The following LHFPL3 variants were observed in gnomAD, a reference collection of about 807,000 sequenced individuals.
LHFPL3 encodes LHFPL tetraspan subfamily member 3 protein.
Under a neutral mutation model 19.3 loss-of-function variants are expected in LHFPL3, and 5 were observed. That is an observed-to-expected ratio of 0.26 (90% CI 0.14 to 0.54). LHFPL3 has a LOEUF of 0.54. LHFPL3 is among the 20% of genes least tolerant of loss of function. LHFPL3 has a pLI of 0.94. For synonymous variants in LHFPL3, 133 were observed against 126.2 expected (o/e 1.05, Z -0.36); for missense variants, 249 against 307.4 (o/e 0.81, Z 1.42).
Position 104,854,358 on chromosome 7 carries a change from C to T in LHFPL3, c.683-51829C>T, listed in dbSNP as rs149469503. 1.6e-3 allele frequency among the ~76,000 whole-genome samples: 246 copies of T among 152,318 alleles called. 2 individuals are homozygous for T. Among genetic ancestry groups the T allele is most frequent in the African/African-American group, 5.7e-3 (236 of 41,560 alleles). On this transcript the variant is annotated intron_variant, in intron 2 of 2. Coordinates refer to ENST00000424859, the MANE Select transcript of LHFPL3 (RefSeq NM_199000.3). Reference sequence around the variant, plus strand: ...TTTACTCAATACAGAAGTTCACCCTCATGAATGGAGATTTCCTTTCTGGAT... The same window carrying T: ...TTTACTCAATACAGAAGTTCACCCTTATGAATGGAGATTTCCTTTCTGGAT...
At chr7:104,443,709 C>A (rs1792271015) in intron 1 of LHFPL3, among the ~76,000 whole-genome samples, 1 of 152,258 alleles carries the variant, frequency 6.6e-6, no homozygotes, top group Admixed American at 6.5e-5. Flanking sequence ...GCTTCCATTT[C>A]ATATCAGGTT....
At chr7:104,560,490 G>C in intron 1 of LHFPL3, among the ~76,000 whole-genome samples, 1 of 147,892 alleles carries the variant, frequency 6.8e-6, no homozygotes, top group Non-Finnish European at 1.5e-5. Flanking sequence ...AGTATTCCCT[G>C]ATGGTAGTTT....
chr7:104,579,846 C>G (rs549329447), intron 1 of LHFPL3, among the ~76,000 whole-genome samples: 2 of 152,202 alleles, frequency 1.3e-5, no homozygotes, highest in South Asian at 4.1e-4. Context: ...CAGTTTCTGC[C>G]CTCTTGGAGC....
At chr7:104,848,815 T>C (rs1791361283) in intron 2 of LHFPL3, among the ~76,000 whole-genome samples, 1 of 152,128 alleles carries the variant, frequency 6.6e-6, no homozygotes, top group Admixed American at 6.5e-5. Flanking sequence ...GGAGGCCTGG[T>C]GGCATATCAG....
At chr7:104,599,186 A>C (rs573417651) in intron 1 of LHFPL3, among the ~76,000 whole-genome samples, 1 of 152,344 alleles carries the variant, frequency 6.6e-6, no homozygotes, top group South Asian at 2.1e-4. Flanking sequence ...GTTTGAAATT[A>C]GTGGCCTAAT....
intron 1 of LHFPL3, among the ~76,000 whole-genome samples, chr7:104,642,737 A>G (rs892023917): frequency 3.9e-5 from 6 of 152,166 alleles, no homozygotes; most frequent in African/African-American, 1.4e-4. Flanking sequence ...GTGCGACAGG[A>G]GAAGGCTGGA....
At chr7:104,730,843 C>T (rs566119158) in intron 1 of LHFPL3, among the ~76,000 whole-genome samples, 197 of 152,146 alleles carry the variant, frequency 1.3e-3, no homozygotes, top group African/African-American at 4.4e-3. Flanking sequence ...TGAATTGTAT[C>T]GCCTAGGTTT....
chr7:104,354,726 C>T (rs1790241678), intron 1 of LHFPL3, among the ~76,000 whole-genome samples: 1 of 152,124 alleles, frequency 6.6e-6, no homozygotes, highest in Admixed American at 6.5e-5. Flanking sequence ...AGGACCCTGA[C>T]CATCTCTCTA....
At chr7:104,602,622 G>A (rs972671197) in intron 1 of LHFPL3, among the ~76,000 whole-genome samples, 1 of 152,186 alleles carries the variant, frequency 6.6e-6, no homozygotes, top group Non-Finnish European at 1.5e-5. Flanking sequence ...AGAATCAATA[G>A]CATCTTCAGC....
intron 1 of LHFPL3, among the ~76,000 whole-genome samples, chr7:104,561,039 C>A (rs1789985612): frequency 6.6e-6 from 1 of 151,746 alleles, no homozygotes; most frequent in African/African-American, 2.4e-5. Flanking sequence ...GCACTGTGGT[C>A]TGAGAGATAG....
intron 2 of LHFPL3, 43 bp downstream of exon 2, chr7:104,736,954 C>T (rs1562977328): frequency 2.1e-6 from 3 of 1,453,494 alleles, no homozygotes; most frequent in East Asian, 2.5e-5. Context: ...GCCTCAAGCA[C>T]AAAAAAATGG....
chr7:104,353,380 T>C (rs1295334294), intron 1 of LHFPL3, among the ~76,000 whole-genome samples: 4 of 152,152 alleles, frequency 2.6e-5, no homozygotes, highest in Admixed American at 2.0e-4. Flanking sequence ...GGACCACAGT[T>C]TTCTCAAAAT....
At chr7:104,436,042 A>G (rs1792097688) in intron 1 of LHFPL3, among the ~76,000 whole-genome samples, 1 of 152,148 alleles carries the variant, frequency 6.6e-6, no homozygotes, top group Non-Finnish European at 1.5e-5. Flanking sequence ...ATTAGAAATA[A>G]TAGCTATTCA....
At chr7:104,679,926 C>G (rs941334768) in intron 1 of LHFPL3, among the ~76,000 whole-genome samples, 6 of 152,212 alleles carry the variant, frequency 3.9e-5, no homozygotes, top group African/African-American at 1.4e-4. Context: ...TGCCCCTCTG[C>G]TTTTCCCTAA....
chr7:104,884,146 A>C (rs1792103705), intron 2 of LHFPL3, among the ~76,000 whole-genome samples: 1 of 152,208 alleles, frequency 6.6e-6, no homozygotes, highest in Admixed American at 6.5e-5. Context: ...ATGCGTGATA[A>C]GTGCCCAAGT....
chr7:104,483,397 T>G (rs1007822717), intron 1 of LHFPL3, among the ~76,000 whole-genome samples: 4 of 152,232 alleles, frequency 2.6e-5, no homozygotes, highest in Non-Finnish European at 5.9e-5. Flanking sequence ...AGTTGTAATT[T>G]TCTTTCCTTT....
chr7:104,778,763 AT>A (rs1162980030), intron 2 of LHFPL3, among the ~76,000 whole-genome samples: 3 of 152,232 alleles, frequency 2.0e-5, no homozygotes, highest in African/African-American at 7.2e-5. Flanking sequence ...CTCAGTTAAA[AT>A]CCAGGCTGCA....
rs952429990 is a variant in LHFPL3 at position 104,496,069 on chromosome 7, T to G, written c.445+166845T>G. Among the ~76,000 whole-genome samples, 13 of 152,278 alleles carry G rather than the reference T, an allele frequency of 8.5e-5. No homozygotes were observed. In the East Asian group the frequency reaches 9.6e-4, roughly 11 times the overall value. On this transcript the variant is annotated intron_variant, in intron 1 of 2. Transcript: ENST00000424859. ...GTGTCATGTTGGTGTGCTGCACCCA[T>G]TAACTCGTCATTTAGCATTAGTTAT...
At chr7:104,407,679 C>T (rs186434597) in intron 1 of LHFPL3, among the ~76,000 whole-genome samples, 83 of 152,228 alleles carry the variant, frequency 5.5e-4, no homozygotes, top group African/African-American at 1.9e-3. Context: ...AAGAGAGAAC[C>T]TTTTTGGTGT....
Sources: gnomAD v4.1 joint callset for allele counts (sites outside exome capture counted in the v4.1 genomes callset) on GRCh38, gnomAD v4.1.1 for gene constraint, MANE v1.5 for transcripts, NCBI Gene and HGNC (gene_info 2026-07-23, HGNC 2026-07-21) for gene names.